The following HKDC1 variants were observed in gnomAD, a reference collection of about 807,000 sequenced individuals.
HKDC1 encodes the protein hexokinase HKDC1.
In HKDC1, 66 loss-of-function variants were observed where a neutral mutation model predicts 96.6. The ratio of observed to expected loss-of-function variants is 0.68; its 90% CI spans 0.56 to 0.84. HKDC1 has a LOEUF of 0.84. Among genes scored for constraint, HKDC1 ranks in the 40% least tolerant of loss-of-function variants. HKDC1 has a pLI of 0.00. For missense variants in HKDC1, 1,211 were observed against 1,208.1 expected, an observed-to-expected ratio of 1.00 and a Z score of -0.04; for synonymous variants, 466 against 473.1, an observed-to-expected ratio of 0.98 and a Z score of 0.20.
chr10:69,242,787 T>C (rs1311415422), intron 6 of HKDC1, among the ~76,000 whole-genome samples: 2 of 152,178 alleles, frequency 1.3e-5, no homozygotes, highest in Non-Finnish European at 2.9e-5. Context: ...TAGTATCAAA[T>C]AGAGAGGAAG....
At chr10:69,263,087 C>G (rs1240924615) in intron 16 of HKDC1, among the ~76,000 whole-genome samples, 2 of 152,060 alleles carry the variant, frequency 1.3e-5, no homozygotes, top group Non-Finnish European at 2.9e-5. Flanking sequence ...TTTTCTGAGA[C>G]AGGGTCTCAC....
chr10:69,229,954 A>C (rs561961969), intron 2 of HKDC1, among the ~76,000 whole-genome samples: 1 of 152,286 alleles, frequency 6.6e-6, no homozygotes, highest in African/African-American at 2.4e-5. Context: ...AGCTCTTGTG[A>C]GCTGGTGGTA....
Position 69,248,927 on chromosome 10 carries a change from TAAAC to T in HKDC1, c.1570+207_1570+210del, listed in dbSNP as rs371202281. 7.8e-4 allele frequency: 450 copies of T among 576,590 alleles called. 3 individuals carry two copies. The highest frequency in any genetic ancestry group is 6.9e-3 in the South Asian group (267 of 38,656). The allele number at this position is 576,590 out of a possible 1,614,324, so 35.7% of individuals were successfully genotyped here. ...GCATTTGCAGTAAAAACAAAACAAATAAACAAACAAAAACACAAAAAGCCTACAT... is the reference window on the plus strand; with the variant it reads ...GCATTTGCAGTAAAAACAAAACAAATAAACAAAAACACAAAAAGCCTACAT... On this transcript the variant is annotated intron_variant, in intron 10 of 17. Transcript: ENST00000354624.
At chr10:69,229,887 T>C (rs1256191998) in intron 2 of HKDC1, among the ~76,000 whole-genome samples, 1 of 152,146 alleles carries the variant, frequency 6.6e-6, no homozygotes, top group Non-Finnish European at 1.5e-5. Context: ...CAGGATTTAA[T>C]GAGATCATGT....
intron 4 of HKDC1, among the ~76,000 whole-genome samples, chr10:69,236,837 T>G (rs1224365230): frequency 2.6e-5 from 4 of 151,958 alleles, no homozygotes; most frequent in Non-Finnish European, 5.9e-5. Context: ...CTCATCGCAG[T>G]CTAGTCAAAT....
In HKDC1 at chr10:69,232,863, G is replaced by A. The variant is rs140840058; in HGVS notation, c.326G>A (p.Ser109Asn). The A allele has an allele frequency of 6.2e-6, 10 of 1,614,060 alleles. No individual in the cohort carries two copies. In the African/African-American group the frequency reaches 1.1e-4, roughly 17 times the overall value. Residue 109 changes from serine (S) to asparagine (N), a missense_variant, in exon 3 of 18, where the codon AGT becomes AAT. Physicochemically the swap from Ser to Asn is conservative, Grantham distance 46 (BLOSUM62 1). Transcript: ENST00000354624. ...GGGAAGCGACACGTGCAGATGGAGA[G>A]TCAGTTCTACCCAACGCCCAATGAA... ...EEGKRHVQME[S>N]QFYPTPNEII...
intron 15 of HKDC1, 78 bp downstream of exon 15, chr10:69,259,037 A>G (rs1843766256): frequency 8.6e-7 from 1 of 1,168,344 alleles, no homozygotes; most frequent in Admixed American, 3.5e-5. Context: ...TACCATAGAC[A>G]GCATAGCTTT....
intron 4 of HKDC1, among the ~76,000 whole-genome samples, chr10:69,234,099 G>A (rs904734125): frequency 1.9e-4 from 29 of 151,988 alleles, no homozygotes; most frequent in Non-Finnish European, 3.5e-4. Context: ...ATAAGGGGAC[G>A]TTCTGGGGCC....
chr10:69,234,767 C>T (rs940380642), intron 4 of HKDC1, among the ~76,000 whole-genome samples: 10 of 152,198 alleles, frequency 6.6e-5, no homozygotes, highest in African/African-American at 2.2e-4. Context: ...AAGCAGTGCC[C>T]GCCAAGGGCA....
At chr10:69,255,045 A>AGGGT (rs974449761) in intron 12 of HKDC1, among the ~76,000 whole-genome samples, 3 of 152,206 alleles carry the variant, frequency 2.0e-5, no homozygotes, top group African/African-American at 7.2e-5. Context: ...ACCATCCGGG[A>AGGGT]GGGTGCCGTG....
Position 69,243,237 on chromosome 10 carries a change from G to T in HKDC1, c.747G>T (p.Glu249Asp). 2.5e-6 allele frequency: 4 copies of T among 1,614,214 alleles called. No individual in the cohort carries two copies. The highest frequency in any genetic ancestry group is 3.4e-6 in the Non-Finnish European group (4 of 1,180,036). Residue 249 changes from glutamate (E) to aspartate (D), a missense_variant, in exon 7 of 18, where the codon GAG (glutamate) becomes GAT (aspartate). By Grantham distance (45) the Glu-to-Asp change is conservative. Coordinates refer to ENST00000354624, the MANE Select transcript of HKDC1 (RefSeq NM_025130.4). ...MEDMSNIDLVEGDEGRMCINT... is the reference protein window; with the variant it reads ...MEDMSNIDLVDGDEGRMCINT... ...ACATGAGCAACATTGACCTGGTGGA[G>T]GGCGACGAGGGCAGGATGTGCATCA...
At position 69,266,932 on chromosome 10, in the gene HKDC1, A is replaced by G. The variant is rs535334787; in HGVS notation, c.*175A>G. The G allele has an allele frequency of 5.7e-4, 317 of 554,906 alleles. No individual in the cohort carries two copies. Among genetic ancestry groups the G allele is most frequent in the Non-Finnish European group, 6.9e-4 (224 of 323,520 alleles). The allele number at this position is 554,906 out of a possible 1,614,324, so 34.4% of individuals were successfully genotyped here. A position where few individuals can be genotyped will look rare whatever the true frequency, so the allele number is the denominator to read the frequency against. ...TATCTTGTACTGGATTTGCAGTGAC[A>G]TTACATGACATCTCTATTTGGTATA... On this transcript the variant is annotated 3_prime_UTR_variant, in exon 18 of 18. Coordinates refer to ENST00000354624, the MANE Select transcript of HKDC1 (RefSeq NM_025130.4).
Position 69,247,359 on chromosome 10 carries a change from G to A in HKDC1, c.1032-1G>A. On this transcript the variant is annotated splice_acceptor_variant, in intron 8 of 17. Transcript: ENST00000354624. LOFTEE classifies it high-confidence loss of function. ...TTCACTCATTCCTGTCCCCTGGCCA[G>A]GTATAAAGAAGGCCTTGCTAATACA... 6.2e-7 allele frequency: 1 copy of A among 1,609,768 alleles called. No individual in the cohort carries two copies. The highest frequency in any genetic ancestry group is 8.5e-7 in the Non-Finnish European group (1 of 1,176,056).
chr10:69,244,785 C>T (rs548910395), intron 7 of HKDC1, among the ~76,000 whole-genome samples: 1 of 152,170 alleles, frequency 6.6e-6, no homozygotes, highest in East Asian at 1.9e-4. Context: ...GTGATCATAC[C>T]ATTGCACTCC....
At chr10:69,233,266 G>C in intron 4 of HKDC1, 133 bp downstream of exon 4, 2 of 1,285,850 alleles carry the variant, frequency 1.6e-6, no homozygotes, top group South Asian at 1.4e-5. Flanking sequence ...TTTTGTTCAT[G>C]ATGAGGTGGC....
At position 69,266,817 on chromosome 10, in the gene HKDC1, T is replaced by A; in HGVS notation, c.*60T>A. 1 of 1,550,412 alleles carries A rather than the reference T, an allele frequency of 6.4e-7. No individual in the cohort carries two copies. The highest frequency in any genetic ancestry group is 8.7e-7 in the Non-Finnish European group (1 of 1,144,682). On this transcript the variant is annotated 3_prime_UTR_variant, in exon 18 of 18. Transcript: ENST00000354624. ...ACTGAACAGCTTTTCCTCTGGCAGA[T>A]CAGTTGGTCAGAGACCAATGGGCAC...
chr10:69,243,246 G>A lies in HKDC1; in HGVS notation c.756G>A (p.Glu252=). 1 of 1,614,198 alleles carries A rather than the reference G, an allele frequency of 6.2e-7. No individual in the cohort carries two copies. The highest frequency in any genetic ancestry group is 8.5e-7 in the Non-Finnish European group (1 of 1,180,020). ...ACATTGACCTGGTGGAGGGCGACGA[G>A]GGCAGGATGTGCATCAACACAGAGT... is the stretch of plus-strand genomic sequence containing the variant. The part of the protein sequence containing the change: ...MSNIDLVEGD[E]GRMCINTEWG... The change falls in exon 7 of 18, where the codon GAG becomes GAA. Residue 252 remains glutamate (E), a synonymous_variant. Coordinates refer to ENST00000354624, the MANE Select transcript of HKDC1 (RefSeq NM_025130.4).
intron 16 of HKDC1, among the ~76,000 whole-genome samples, chr10:69,263,675 T>C (rs1439112297): frequency 6.6e-6 from 1 of 152,198 alleles, no homozygotes; most frequent in East Asian, 1.9e-4. Context: ...ACAGAAATAA[T>C]TGCCCTGTTG....
intron 1 of HKDC1, among the ~76,000 whole-genome samples, chr10:69,223,578 A>AT (rs60016100): frequency 0.33 from 28,197 of 85,822 alleles, 5,245 homozygotes; most frequent in African/African-American, 0.43. Context: ...CCACAATCTA[A>AT]TTTTTTTTTT....
Sources: allele counts gnomAD v4.1 joint callset (sites outside exome capture counted in the v4.1 genomes callset), GRCh38; gene constraint gnomAD v4.1.1; transcripts MANE v1.5; gene names NCBI Gene and HGNC (gene_info 2026-07-23, HGNC 2026-07-21).